Variants in CNTN5 observed in about 807,000 individuals in gnomAD.
CNTN5 encodes the protein contactin 5.
Under a neutral mutation model 129.1 loss-of-function variants are expected in CNTN5, and 77 were observed. The ratio of observed to expected loss-of-function variants is 0.60; its 90% CI spans 0.50 to 0.72. The LOEUF (loss-of-function observed/expected upper bound fraction) is 0.72. Among genes scored for constraint, CNTN5 ranks in the 30% least tolerant of loss-of-function variants. The probability of loss-of-function intolerance (pLI) is 0.00; values close to 1 mark genes in which losing one functional copy is unlikely to be tolerated. For missense variants in CNTN5, 1,478 were observed against 1,328.8 expected, an observed-to-expected ratio of 1.11 and a Z score of -1.75; for synonymous variants, 509 against 465.6, an observed-to-expected ratio of 1.09 and a Z score of -1.20.
intron 3 of CNTN5, among the ~76,000 whole-genome samples, chr11:99,692,547 T>G (rs1954082325): frequency 6.6e-6 from 1 of 152,128 alleles, no homozygotes; most frequent in Non-Finnish European, 1.5e-5. Context: ...TTTAATAATA[T>G]TGAATATTTG....
At chr11:99,705,983 C>T (rs636916) in intron 3 of CNTN5, among the ~76,000 whole-genome samples, 83,574 of 151,086 alleles carry the variant, frequency 0.55, 23,607 homozygotes, top group African/African-American at 0.61. Flanking sequence ...TGGAGAGAGA[C>T]GCCATCAAAC....
chr11:99,924,964 A>C (rs1319065881), intron 7 of CNTN5, among the ~76,000 whole-genome samples: 1 of 152,180 alleles, frequency 6.6e-6, no homozygotes, highest in Non-Finnish European at 1.5e-5. Flanking sequence ...AGGATAGGAA[A>C]AGATTAGTTG....
In CNTN5 at chr11:99,969,528, A is replaced by G. The variant is rs1298861282; in HGVS notation, c.877+12519A>G. On this transcript the variant is annotated intron_variant, in intron 8 of 24. Coordinates refer to ENST00000524871, the MANE Select transcript of CNTN5 (RefSeq NM_014361.4). ...GCTGCTATGCCTCTTCTTCCATTTA[A>G]TAATCTCTAATTGGGCATGGGGCCT... Among the ~76,000 whole-genome samples, 4 of 152,054 alleles carry G rather than the reference A, an allele frequency of 2.6e-5. No homozygotes were observed. The East Asian group carries it at 7.7e-4, about 29-fold the overall frequency.
At chr11:99,112,229 A>G (rs1424849610) in intron 1 of CNTN5, among the ~76,000 whole-genome samples, 1 of 152,050 alleles carries the variant, frequency 6.6e-6, no homozygotes, top group Non-Finnish European at 1.5e-5. Flanking sequence ...AAATTAACTT[A>G]TTTCGATAAA....
chr11:100,320,368 C>A (rs570314007), intron 21 of CNTN5, among the ~76,000 whole-genome samples: 1 of 152,064 alleles, frequency 6.6e-6, no homozygotes. Flanking sequence ...CATTCAAGTC[C>A]TTTGCCCATT....
chr11:100,263,384 T>C (rs769476015), intron 17 of CNTN5, among the ~76,000 whole-genome samples: 8 of 152,198 alleles, frequency 5.3e-5, no homozygotes, highest in Non-Finnish European at 1.2e-4. Context: ...ATTTGAGTTT[T>C]TGTATGAAAC....
chr11:100,090,496 T>C (rs1944721436), intron 13 of CNTN5, among the ~76,000 whole-genome samples: 1 of 77,126 alleles, frequency 1.3e-5, no homozygotes, highest in Non-Finnish European at 2.7e-5. Flanking sequence ...CCTCCTTTCC[T>C]CCTTTCCTCC....
chr11:99,785,038 ATCCGCCTGCC>A (rs139577537), intron 3 of CNTN5, among the ~76,000 whole-genome samples: 2,339 of 151,164 alleles, frequency 0.015, 28 homozygotes, highest in Non-Finnish European at 0.024. Context: ...TGACCTCGTG[ATCCGCCTGCC>A]TCCGCCTGCC....
At chr11:99,814,987 T>C (rs1399537143) in intron 3 of CNTN5, among the ~76,000 whole-genome samples, 1 of 151,974 alleles carries the variant, frequency 6.6e-6, no homozygotes, top group Non-Finnish European at 1.5e-5. Context: ...CAAACACTTA[T>C]AAAACCATCA....
chr11:99,905,983 T>G (rs1438597673), intron 6 of CNTN5, among the ~76,000 whole-genome samples: 1 of 152,218 alleles, frequency 6.6e-6, no homozygotes, highest in African/African-American at 2.4e-5. Context: ...TTTTTGCACA[T>G]TGATTTTGTA....
intron 3 of CNTN5, among the ~76,000 whole-genome samples, chr11:99,785,303 C>G (rs1158847541): frequency 6.6e-6 from 1 of 151,946 alleles, no homozygotes; most frequent in Non-Finnish European, 1.5e-5. Context: ...GATATTAGCC[C>G]TTTGTCAGAT....
At chr11:99,145,893 A>G (rs778433803) in intron 1 of CNTN5, among the ~76,000 whole-genome samples, 9 of 152,176 alleles carry the variant, frequency 5.9e-5, no homozygotes, top group Non-Finnish European at 1.3e-4. Flanking sequence ...TATAGCTCAC[A>G]TGAAATAATA....
At chr11:100,257,945 T>C (rs1369958735) in intron 17 of CNTN5, among the ~76,000 whole-genome samples, 3 of 152,016 alleles carry the variant, frequency 2.0e-5, no homozygotes, top group East Asian at 1.9e-4. Context: ...ATGAATATGA[T>C]GAATTGACAG....
At chr11:100,112,103 G>T (rs181326019) in intron 13 of CNTN5, among the ~76,000 whole-genome samples, 2 of 152,112 alleles carry the variant, frequency 1.3e-5, no homozygotes, top group Non-Finnish European at 2.9e-5. Context: ...GCCATATGAC[G>T]TGCTTTAGCC....
At chr11:100,242,817 T>TC (rs1949770252) in intron 16 of CNTN5, among the ~76,000 whole-genome samples, 1 of 152,136 alleles carries the variant, frequency 6.6e-6, no homozygotes, top group Non-Finnish European at 1.5e-5. Flanking sequence ...TAACCCCTTT[T>TC]CCCCAAAGAG....
chr11:99,575,658 A>G (rs1435724191), intron 3 of CNTN5, among the ~76,000 whole-genome samples: 1 of 152,198 alleles, frequency 6.6e-6, no homozygotes, highest in African/African-American at 2.4e-5. Flanking sequence ...GGTAGAGTAC[A>G]TACTGAATCC....
intron 13 of CNTN5, among the ~76,000 whole-genome samples, chr11:100,184,677 C>A (rs1319783840): frequency 1.3e-5 from 2 of 152,118 alleles, no homozygotes; most frequent in Non-Finnish European, 2.9e-5. Flanking sequence ...CCCCCCCAGA[C>A]TTCTAACCAA....
intron 18 of CNTN5, among the ~76,000 whole-genome samples, chr11:100,279,198 A>T (rs1003644595): frequency 5.9e-5 from 9 of 151,764 alleles, no homozygotes; most frequent in African/African-American, 2.2e-4. Context: ...TATTGAATTC[A>T]GTTTGCTGGT....
intron 13 of CNTN5, among the ~76,000 whole-genome samples, chr11:100,188,535 T>G (rs539648481): frequency 6.6e-6 from 1 of 152,190 alleles, no homozygotes; most frequent in East Asian, 1.9e-4. Flanking sequence ...AAAGCCATAA[T>G]GAGACACCAT....
Sources: gnomAD v4.1 joint callset for allele counts (sites outside exome capture counted in the v4.1 genomes callset) on GRCh38, gnomAD v4.1.1 for gene constraint, MANE v1.5 for transcripts, NCBI Gene and HGNC (gene_info 2026-07-23, HGNC 2026-07-21) for gene names.